Variants in GLRX3 observed in about 807,000 individuals in gnomAD.
GLRX3 encodes glutaredoxin 3.
In GLRX3, 22 loss-of-function variants were observed where a neutral mutation model predicts 49.5. That is an observed-to-expected ratio of 0.44 (90% CI 0.32 to 0.63). The LOEUF is 0.63. Ranked by LOEUF, GLRX3 falls within the 30% of genes least tolerant of loss-of-function variation. The pLI is 0.05. For missense variants in GLRX3, 385 were observed against 396.3 expected, an observed-to-expected ratio of 0.97 and a Z score of 0.24; for synonymous variants, 133 against 140.0, an observed-to-expected ratio of 0.95 and a Z score of 0.35.
chr10:130,173,806 A>G (rs970539999), intron 8 of GLRX3, among the ~76,000 whole-genome samples: 23 of 152,180 alleles, frequency 1.5e-4, no homozygotes, highest in Non-Finnish European at 2.9e-4. Context: ...CTTTTTTGGT[A>G]ATTGCTTCTG....
rs146059834 is a variant in GLRX3, at chr10:130,173,823, C to G, written c.825-1044C>G. 3.8e-3 allele frequency among the ~76,000 whole-genome samples: 576 copies of G among 152,150 alleles called. 1 individual carries two copies. The highest frequency in any genetic ancestry group is 0.013 in the African/African-American group (548 of 41,522). On this transcript the variant is annotated intron_variant, in intron 8 of 10. Transcript: ENST00000331244. ...TTTTTGGTAATTGCTTCTGATTTAT[C>G]CCGTCATTTAGTTTTTTTGACTGTT...
chr10:130,157,954 A>G (rs1156698387), intron 2 of GLRX3, among the ~76,000 whole-genome samples: 1 of 152,172 alleles, frequency 6.6e-6, no homozygotes, highest in African/African-American at 2.4e-5. Context: ...TAGTGCTGCA[A>G]GGGTTTTAGG....
chr10:130,161,051 G>C (rs1862568208), intron 4 of GLRX3, 54 bp downstream of exon 4: 1 of 1,269,340 alleles, frequency 7.9e-7, no homozygotes, highest in Admixed American at 1.7e-5. Flanking sequence ...TCCCAGAATG[G>C]GGTATGGTTG....
intron 2 of GLRX3, among the ~76,000 whole-genome samples, chr10:130,153,593 C>T (rs1258318737): frequency 6.6e-6 from 1 of 152,160 alleles, no homozygotes; most frequent in East Asian, 1.9e-4. Context: ...GAGGTCCACT[C>T]CAGACCCTGT....
intron 2 of GLRX3, among the ~76,000 whole-genome samples, chr10:130,146,652 G>A (rs1862275929): frequency 6.6e-6 from 1 of 152,184 alleles, no homozygotes. Context: ...GGTGCACCTT[G>A]TATTCCCAAG....
chr10:130,163,163 G>A (rs1331207133), intron 4 of GLRX3, among the ~76,000 whole-genome samples: 1 of 152,178 alleles, frequency 6.6e-6, no homozygotes, highest in Non-Finnish European at 1.5e-5. Context: ...GGTGGCTCAT[G>A]CCTGTAATCC....
intron 10 of GLRX3, among the ~76,000 whole-genome samples, chr10:130,177,366 G>C (rs1372283745): frequency 6.6e-6 from 1 of 152,166 alleles, no homozygotes; most frequent in East Asian, 1.9e-4. Context: ...AGAAGATTTG[G>C]TTAGGTTTAG....
intron 1 of GLRX3, among the ~76,000 whole-genome samples, chr10:130,137,568 G>A (rs538048239): frequency 2.0e-5 from 3 of 152,304 alleles, no homozygotes; most frequent in African/African-American, 7.2e-5. Flanking sequence ...CGGTGACATA[G>A]ATTAGCACCT....
rs1435421517 is a variant in GLRX3, at chr10:130,152,135, C to A, written c.201+6816C>A. Reference sequence around the variant, plus strand: ...CCAGGTTCAAGCGATTCTCCTGCCTCAGCCTCCTGAGTAGCTGGGATTACA... The same window carrying A: ...CCAGGTTCAAGCGATTCTCCTGCCTAAGCCTCCTGAGTAGCTGGGATTACA... On this transcript the variant is annotated intron_variant, in intron 2 of 10. Transcript: ENST00000331244. 2.0e-5 allele frequency among the ~76,000 whole-genome samples: 3 copies of A among 152,078 alleles called. No individual in the cohort carries two copies. The East Asian group carries it at 5.8e-4, about 29-fold the overall frequency.
At chr10:130,165,252 C>T (rs1314449124) in intron 4 of GLRX3, among the ~76,000 whole-genome samples, 3 of 151,872 alleles carry the variant, frequency 2.0e-5, no homozygotes, top group South Asian at 2.1e-4. Flanking sequence ...AAGAATGAGG[C>T]GTGAAAGAGT....
At chr10:130,159,491 A>G (rs1217239221) in intron 2 of GLRX3, among the ~76,000 whole-genome samples, 2 of 152,226 alleles carry the variant, frequency 1.3e-5, no homozygotes, top group Non-Finnish European at 2.9e-5. Flanking sequence ...AGCAAAATTT[A>G]TCAGACATCA....
intron 4 of GLRX3, among the ~76,000 whole-genome samples, chr10:130,161,912 T>C (rs1383052375): frequency 6.6e-6 from 1 of 152,222 alleles, no homozygotes; most frequent in African/African-American, 2.4e-5. Flanking sequence ...AATTCTTCCC[T>C]GTAGGGTTAT....
At chr10:130,153,271 A>G (rs938594162) in intron 2 of GLRX3, among the ~76,000 whole-genome samples, 1 of 152,146 alleles carries the variant, frequency 6.6e-6, no homozygotes, top group Non-Finnish European at 1.5e-5. Flanking sequence ...GAAGTTTGTT[A>G]TTACCGATCT....
At chr10:130,150,986 G>A (rs979864674) in intron 2 of GLRX3, among the ~76,000 whole-genome samples, 16 of 148,402 alleles carry the variant, frequency 1.1e-4, no homozygotes, top group African/African-American at 4.0e-4. Context: ...GGAGTGCAAT[G>A]GCGTGAACTC....
At chr10:130,138,879 CAG>C (rs1431639463) in intron 1 of GLRX3, among the ~76,000 whole-genome samples, 2 of 100,692 alleles carry the variant, frequency 2.0e-5, no homozygotes, top group African/African-American at 8.6e-5. Context: ...GGGGGGGAGA[CAG>C]AGTCTCTCTC....
chr10:130,166,606 C>T lies in GLRX3; in HGVS notation c.578C>T (p.Ala193Val), dbSNP rs1862695980. 1 of 1,609,562 alleles carries T rather than the reference C, an allele frequency of 6.2e-7. No homozygotes were observed. Among genetic ancestry groups the T allele is most frequent in the African/African-American group, 1.3e-5 (1 of 74,930 alleles). ...SDEEVRQGLK[A>V]YSSWPTYPQL... ...GAAGAGGTTCGACAGGGACTCAAAG[C>T]CTATTCCAGTTGGCCTACCTATCCT... is the stretch of plus-strand genomic sequence containing the variant. Residue 193 changes from alanine (A) to valine (V), a missense_variant, in exon 5 of 11, where the codon GCC (alanine) becomes GTC (valine). Physicochemically the swap from Ala to Val is moderately conservative, Grantham distance 64 (BLOSUM62 0). Transcript: ENST00000331244.
chr10:130,174,088 A>G (rs1862867584), intron 8 of GLRX3, among the ~76,000 whole-genome samples: 2 of 152,248 alleles, frequency 1.3e-5, no homozygotes, highest in Non-Finnish European at 1.5e-5. Context: ...ATATTCATGC[A>G]GTGATTTTTC....
chr10:130,155,810 C>T (rs1862460897), intron 2 of GLRX3, among the ~76,000 whole-genome samples: 1 of 152,160 alleles, frequency 6.6e-6, no homozygotes, highest in African/African-American at 2.4e-5. Flanking sequence ...GACTCAGAAC[C>T]AAGGCTGGCA....
At chr10:130,141,493 C>T (rs549181126) in intron 1 of GLRX3, among the ~76,000 whole-genome samples, 2 of 152,298 alleles carry the variant, frequency 1.3e-5, no homozygotes, top group South Asian at 4.1e-4. Context: ...TTTCCATCCC[C>T]TTTAGCCCAG....
Sources: allele counts gnomAD v4.1 joint callset (sites outside exome capture counted in the v4.1 genomes callset), GRCh38; gene constraint gnomAD v4.1.1; transcripts MANE v1.5; gene names NCBI Gene and HGNC (gene_info 2026-07-23, HGNC 2026-07-21).